Variants in CTNNA3 observed in about 807,000 individuals in gnomAD.
The protein encoded by CTNNA3 is catenin alpha-3.
In CTNNA3, 76 loss-of-function variants were observed where a neutral mutation model predicts 95.7. The observed-to-expected ratio is 0.79, with a 90% CI of 0.66 to 0.96. The LOEUF (loss-of-function observed/expected upper bound fraction) is 0.96, where lower values mean the gene tolerates loss of function less well. Among genes scored for constraint, CTNNA3 ranks in the 40% least tolerant of loss-of-function variants. The probability of loss-of-function intolerance (pLI) is 0.00; values close to 1 mark genes in which losing one functional copy is unlikely to be tolerated. For missense variants in CTNNA3, 1,191 were observed against 1,089.8 expected, an observed-to-expected ratio of 1.09 and a Z score of -1.31; for synonymous variants, 431 against 374.4, an observed-to-expected ratio of 1.15 and a Z score of -1.74.
chr10:66,535,199 A>C (rs957307725), intron 10 of CTNNA3, among the ~76,000 whole-genome samples: 33 of 152,302 alleles, frequency 2.2e-4, no homozygotes, highest in South Asian at 1.7e-3. Flanking sequence ...AAAATGAGTT[A>C]GTTGATAGAC....
chr10:66,940,468 T>C (rs1309142093), intron 7 of CTNNA3, among the ~76,000 whole-genome samples: 2 of 152,198 alleles, frequency 1.3e-5, no homozygotes, highest in African/African-American at 4.8e-5. Context: ...AGCAAGATCA[T>C]GTCTCTTAAA....
intron 13 of CTNNA3, among the ~76,000 whole-genome samples, chr10:66,115,527 TA>T (rs1471366784): frequency 1.2e-5 from 1 of 83,626 alleles, no homozygotes; most frequent in African/African-American, 5.1e-5. Context: ...AGATAGATGA[TA>T]GATAGATAGA....
intron 15 of CTNNA3, among the ~76,000 whole-genome samples, chr10:66,013,244 G>A (rs2079037475): frequency 6.6e-6 from 1 of 152,098 alleles, no homozygotes; most frequent in South Asian, 2.1e-4. Context: ...TTATTTTCAT[G>A]AAATACAATC....
intron 7 of CTNNA3, among the ~76,000 whole-genome samples, chr10:66,909,972 G>T (rs1846152599): frequency 6.6e-6 from 1 of 152,062 alleles, no homozygotes; most frequent in Non-Finnish European, 1.5e-5. Flanking sequence ...ATATTCTATG[G>T]GGAAAAGGGC....
chr10:67,642,874 G>T (rs1839583667), intron 2 of CTNNA3, among the ~76,000 whole-genome samples: 1 of 152,108 alleles, frequency 6.6e-6, no homozygotes, highest in African/African-American at 2.4e-5. Flanking sequence ...TTGTTGGTGG[G>T]TATGTAAATT....
At chr10:66,864,369 C>CGAGA (rs1844077992) in intron 7 of CTNNA3, among the ~76,000 whole-genome samples, 1 of 152,060 alleles carries the variant, frequency 6.6e-6, no homozygotes, top group Admixed American at 6.6e-5. Context: ...TTCTCTTGTA[C>CGAGA]TCTCCTCCCC....
chr10:67,695,932 C>G (rs549359096), intron 1 of CTNNA3, 68 bp downstream of exon 1: 4 of 152,348 alleles, frequency 2.6e-5, no homozygotes, highest in East Asian at 1.9e-4. Flanking sequence ...AACTAAGACA[C>G]AGGAATTCAA....
rs1175190460 is a variant in CTNNA3 at position 66,643,199 on chromosome 10, C to T, written c.1282-21415G>A. ...AATCTAAACTTGTAAATCTTGTCAA[C>T]AGCAATCAGGAGTCCACATTATCCT... On this transcript the variant is annotated intron_variant, in intron 9 of 17. Coordinates refer to ENST00000433211, the MANE Select transcript of CTNNA3 (RefSeq NM_013266.4). 2.0e-5 allele frequency among the ~76,000 whole-genome samples: 3 copies of T among 152,286 alleles called. No homozygotes were observed. The East Asian group carries it at 5.8e-4, about 29-fold the overall frequency.
chr10:66,102,096 C>T (rs1035959280), intron 14 of CTNNA3, among the ~76,000 whole-genome samples: 15 of 151,972 alleles, frequency 9.9e-5, no homozygotes, highest in Admixed American at 7.9e-4. Flanking sequence ...ACAGAGTATG[C>T]GCCAGCCTTT....
chr10:66,528,298 T>G (rs2132040940), intron 10 of CTNNA3, among the ~76,000 whole-genome samples: 1 of 152,278 alleles, frequency 6.6e-6, no homozygotes, highest in South Asian at 2.1e-4. Context: ...GGCCAAGACC[T>G]CAACATGCTT....
chr10:67,329,050 C>T (rs1841672573), intron 5 of CTNNA3, among the ~76,000 whole-genome samples: 1 of 152,072 alleles, frequency 6.6e-6, no homozygotes, highest in Admixed American at 6.5e-5. Context: ...TCCATTGATC[C>T]TACCCCACTG....
intron 7 of CTNNA3, among the ~76,000 whole-genome samples, chr10:66,989,416 A>G (rs192481921): frequency 2.0e-5 from 3 of 152,358 alleles, no homozygotes; most frequent in Admixed American, 1.3e-4. Flanking sequence ...ATTTGTAGGT[A>G]TAACAGAATT....
chr10:67,501,079 G>C (rs1180530536), intron 5 of CTNNA3, among the ~76,000 whole-genome samples: 1 of 152,168 alleles, frequency 6.6e-6, no homozygotes, highest in Admixed American at 6.5e-5. Flanking sequence ...TTACAATTTG[G>C]TATGTTTTTG....
At chr10:67,034,725 A>G (rs1853936995) in intron 7 of CTNNA3, among the ~76,000 whole-genome samples, 2 of 151,864 alleles carry the variant, frequency 1.3e-5, no homozygotes, top group Non-Finnish European at 1.5e-5. Flanking sequence ...GCAAAAACTG[A>G]CTCTCTAGTG....
chr10:66,301,442 T>C (rs1427918218), intron 12 of CTNNA3, among the ~76,000 whole-genome samples: 3 of 151,904 alleles, frequency 2.0e-5, no homozygotes, highest in African/African-American at 7.2e-5. Flanking sequence ...ACAAAACTAA[T>C]TGAATTATGT....
intron 15 of CTNNA3, among the ~76,000 whole-genome samples, chr10:66,037,674 G>A (rs1029284547): frequency 6.7e-4 from 6 of 8,994 alleles, no homozygotes; most frequent in South Asian, 0.02. Flanking sequence ...TTCCAGTACG[G>A]TCAAGAAAAG....
Position 67,571,684 on chromosome 10 carries a change from G to A in CTNNA3, c.293-32015C>T, listed in dbSNP as rs149801616. The stretch of plus-strand genomic sequence containing the variant: ...TGTGCAACTGATTTACTGGAGTCCC[G>A]TCAAGTGAAATCTACGAGGGGGTGA... On this transcript the variant is annotated intron_variant, in intron 3 of 17. Transcript: ENST00000433211. Among the ~76,000 whole-genome samples the A allele has an allele frequency of 1.6e-4, 24 of 152,242 alleles. No homozygotes were observed. In the South Asian group the frequency reaches 1.7e-3, roughly 11 times the overall value.
At chr10:67,326,601 T>C (rs1193288477) in intron 5 of CTNNA3, among the ~76,000 whole-genome samples, 1 of 152,234 alleles carries the variant, frequency 6.6e-6, no homozygotes, top group African/African-American at 2.4e-5. Flanking sequence ...CCACTGTTAG[T>C]CTGATGGGCT....
chr10:66,322,501 G>A (rs1262480539), intron 12 of CTNNA3, among the ~76,000 whole-genome samples: 1 of 151,956 alleles, frequency 6.6e-6, no homozygotes, highest in Admixed American at 6.6e-5. Flanking sequence ...GAATTTGTAG[G>A]GCATTGTACC....
Sources: allele counts gnomAD v4.1 joint callset (sites outside exome capture counted in the v4.1 genomes callset), GRCh38; gene constraint gnomAD v4.1.1; transcripts MANE v1.5; gene names NCBI Gene and HGNC (gene_info 2026-07-23, HGNC 2026-07-21).